CNTNAP2: variants seen among roughly 807,000 people sequenced by gnomAD.
The protein encoded by CNTNAP2 is contactin associated protein 2.
In CNTNAP2, 98 loss-of-function variants were observed where a neutral mutation model predicts 155.2. That is an observed-to-expected ratio of 0.63 (90% CI 0.54 to 0.75). The LOEUF is 0.75. Among genes scored for constraint, CNTNAP2 ranks in the 30% least tolerant of loss-of-function variants. The pLI, the probability that CNTNAP2 is intolerant of heterozygous loss-of-function variation, is 0.00. For synonymous variants in CNTNAP2, 651 were observed against 631.2 expected (o/e 1.03, Z -0.47); for missense variants, 1,727 against 1,688.1 (o/e 1.02, Z -0.40).
intron 1 of CNTNAP2, among the ~76,000 whole-genome samples, chr7:146,319,995 G>GC (rs549404229): frequency 0.069 from 10,238 of 149,364 alleles, 851 homozygotes; most frequent in African/African-American, 0.2. Flanking sequence ...TGTAACTGTC[G>GC]CCCCCCCCAC....
chr7:147,279,082 A>C (rs1244988555), intron 8 of CNTNAP2, among the ~76,000 whole-genome samples: 1 of 151,658 alleles, frequency 6.6e-6, no homozygotes, highest in Non-Finnish European at 1.5e-5. Flanking sequence ...TCTTTATGAT[A>C]TTATGCCAAA....
At chr7:148,140,421 C>CTTTTTTT (rs750371666) in intron 16 of CNTNAP2, among the ~76,000 whole-genome samples, 3 of 135,402 alleles carry the variant, frequency 2.2e-5, no homozygotes, top group African/African-American at 2.7e-5. Context: ...TTTTCTTTTT[C>CTTTTTTT]TTTTTTTTTT....
At chr7:146,937,707 G>C (rs1220421773) in intron 3 of CNTNAP2, among the ~76,000 whole-genome samples, 2 of 152,202 alleles carry the variant, frequency 1.3e-5, no homozygotes, top group Non-Finnish European at 2.9e-5. Flanking sequence ...ACGTGTAAGA[G>C]AGATGGTGTT....
rs1008227206 is a variant in CNTNAP2, at chr7:146,620,692, C to T, written c.98-153579C>T. ...CTGTGAATATGCAGGAGATATTAGA[C>T]TTGACATAACAGAAAACAATGTTTG... is the stretch of plus-strand genomic sequence containing the variant. On this transcript the variant is annotated intron_variant, in intron 1 of 23. Coordinates refer to ENST00000361727, the MANE Select transcript of CNTNAP2 (RefSeq NM_014141.6). Among the ~76,000 whole-genome samples, 9 of 152,090 alleles carry T rather than the reference C, an allele frequency of 5.9e-5. 1 individual carries two copies. Among genetic ancestry groups the T allele is most frequent in the Admixed American group, 5.2e-4 (8 of 15,266 alleles).
intron 8 of CNTNAP2, among the ~76,000 whole-genome samples, chr7:147,292,172 C>G (rs866875449): frequency 2.0e-5 from 3 of 152,086 alleles, no homozygotes; most frequent in Non-Finnish European, 4.4e-5. Context: ...ATTCTGTTTT[C>G]TTAGGTCTCA....
At chr7:146,167,570 G>A (rs555114995) in intron 1 of CNTNAP2, among the ~76,000 whole-genome samples, 1 of 152,292 alleles carries the variant, frequency 6.6e-6, no homozygotes, top group African/African-American at 2.4e-5. Context: ...CAGATGAAAA[G>A]GAGTTTAGAA....
chr7:148,260,950 G>C (rs1796548322), intron 20 of CNTNAP2, among the ~76,000 whole-genome samples: 2 of 152,196 alleles, frequency 1.3e-5, no homozygotes, highest in African/African-American at 2.4e-5. Context: ...TAACTATATG[G>C]AGATACTAAA....
At chr7:147,160,343 T>G (rs1057095248) in intron 8 of CNTNAP2, among the ~76,000 whole-genome samples, 16 of 152,188 alleles carry the variant, frequency 1.1e-4, no homozygotes, top group Middle Eastern at 6.8e-3. Context: ...TATGGAAATA[T>G]GGAATAAAAT....
In CNTNAP2 at chr7:146,335,211, T is replaced by G. The variant is rs543636575; in HGVS notation, c.97+218238T>G. Among the ~76,000 whole-genome samples the G allele has an allele frequency of 1.1e-4, 16 of 152,346 alleles. No individual in the cohort carries two copies. The South Asian group carries it at 3.3e-3, about 32-fold the overall frequency. The stretch of plus-strand genomic sequence containing the variant: ...ACCTATATGTTGAGAGTTTTCATTA[T>G]GACAAAAATATACTGTGGTCAACAT... On this transcript the variant is annotated intron_variant, in intron 1 of 23. Coordinates refer to ENST00000361727, the MANE Select transcript of CNTNAP2 (RefSeq NM_014141.6).
At chr7:146,990,093 G>A (rs1238585549) in intron 3 of CNTNAP2, among the ~76,000 whole-genome samples, 1 of 152,042 alleles carries the variant, frequency 6.6e-6, no homozygotes, top group East Asian at 1.9e-4. Context: ...AAAAAAAGGG[G>A]TTGAGGATTT....
chr7:148,014,108 A>G (rs377416136), intron 15 of CNTNAP2: 2 of 152,184 alleles, frequency 1.3e-5, no homozygotes, highest in East Asian at 3.9e-4. Context: ...TTTGGAAGTC[A>G]CTCACTATAG....
At chr7:147,690,014 C>G (rs553353463) in intron 13 of CNTNAP2, among the ~76,000 whole-genome samples, 23 of 152,168 alleles carry the variant, frequency 1.5e-4, no homozygotes, top group African/African-American at 5.1e-4. Flanking sequence ...TGCCAAGCCT[C>G]CCTCCCCAAA....
chr7:147,277,718 CTGT>C (rs1480324559), intron 8 of CNTNAP2, among the ~76,000 whole-genome samples: 1 of 151,658 alleles, frequency 6.6e-6, no homozygotes, highest in Admixed American at 6.6e-5. Flanking sequence ...CCCAAGAAAT[CTGT>C]TATTATGCCA....
chr7:147,161,303 G>C (rs941323531), intron 8 of CNTNAP2, among the ~76,000 whole-genome samples: 1 of 152,150 alleles, frequency 6.6e-6, no homozygotes, highest in Admixed American at 6.5e-5. Flanking sequence ...GTGGGATAAG[G>C]ATAAGTGAGC....
chr7:146,551,054 A>G (rs1278751866), intron 1 of CNTNAP2, among the ~76,000 whole-genome samples: 2 of 152,124 alleles, frequency 1.3e-5, no homozygotes, highest in Non-Finnish European at 2.9e-5. Flanking sequence ...ATTCTTCACC[A>G]AGGGGCAATA....
chr7:147,059,101 G>T (rs1799615766), intron 4 of CNTNAP2, among the ~76,000 whole-genome samples: 2 of 152,130 alleles, frequency 1.3e-5, no homozygotes, highest in Admixed American at 6.5e-5. Flanking sequence ...ACCTCTTAGG[G>T]TTGTCATAAG....
At position 146,354,424 on chromosome 7, in the gene CNTNAP2, T is replaced by G. The variant is rs575076707; in HGVS notation, c.97+237451T>G. ...TCTCTTGTTAGTATTTTTTTTTTTT[T>G]TTTTGTTTGAGACAGAATCTCACTC... On this transcript the variant is annotated intron_variant, in intron 1 of 23. Coordinates refer to ENST00000361727, the MANE Select transcript of CNTNAP2 (RefSeq NM_014141.6). Among the ~76,000 whole-genome samples the G allele has an allele frequency of 5.3e-5, 8 of 151,270 alleles. No individual in the cohort carries two copies. In the South Asian group the frequency reaches 8.4e-4, roughly 16 times the overall value.
chr7:146,893,368 A>G (rs1345877231), intron 3 of CNTNAP2, among the ~76,000 whole-genome samples: 2 of 151,728 alleles, frequency 1.3e-5, no homozygotes, highest in African/African-American at 4.8e-5. Context: ...TTTAAGATAA[A>G]TCTATCATAT....
intron 21 of CNTNAP2, among the ~76,000 whole-genome samples, chr7:148,308,113 G>C (rs1366408168): frequency 6.6e-6 from 1 of 152,036 alleles, no homozygotes; most frequent in Admixed American, 6.5e-5. Flanking sequence ...TTCAAATAGT[G>C]AGGTCCCTTA....
Sources: gnomAD v4.1 joint callset for allele counts (sites outside exome capture counted in the v4.1 genomes callset) on GRCh38, gnomAD v4.1.1 for gene constraint, MANE v1.5 for transcripts, NCBI Gene and HGNC (gene_info 2026-07-23, HGNC 2026-07-21) for gene names.